The following CFAP46 variants were observed in gnomAD, a reference collection of about 807,000 sequenced individuals.
CFAP46 encodes the protein cilia- and flagella-associated protein 46.
Under a neutral mutation model 325.7 loss-of-function variants are expected in CFAP46, and 245 were observed. The ratio of observed to expected loss-of-function variants is 0.75; its 90% CI spans 0.68 to 0.84. CFAP46 has a LOEUF of 0.84. Among genes scored for constraint, CFAP46 ranks in the 40% least tolerant of loss-of-function variants. The pLI is 0.00. For synonymous variants in CFAP46, 1,523 were observed against 1,495.9 expected (o/e 1.02, Z -0.42); for missense variants, 3,346 against 3,543.0 (o/e 0.94, Z 1.41).
rs529033780 is a variant in CFAP46, at chr10:132,869,099, C to A, written c.4610+175G>T. Among the ~76,000 whole-genome samples, 1 of 152,246 alleles carries A rather than the reference C, an allele frequency of 6.6e-6. No individual in the cohort carries two copies. Among genetic ancestry groups the A allele is most frequent in the Non-Finnish European group, 1.5e-5 (1 of 68,040 alleles). ...TCCCTCTGTGAGGAGCACCTCCCCA[C>A]AACCCACCTCCAGCACGACCCAGGA... On this transcript the variant is annotated intron_variant, in intron 33 of 57. Coordinates refer to ENST00000368586, the MANE Select transcript of CFAP46 (RefSeq NM_001200049.3). This position sits in a 1 kb window ranked among gnomAD's most constrained non-coding sequence, Gnocchi z 6.2.
At position 132,867,508 on chromosome 10, in the gene CFAP46, C is replaced by T; in HGVS notation, c.4611-1G>A. The T allele has an allele frequency of 2.6e-6, 4 of 1,549,548 alleles. No homozygotes were observed. Among genetic ancestry groups the T allele is most frequent in the Non-Finnish European group, 3.5e-6 (4 of 1,146,838 alleles). On this transcript the variant is annotated splice_acceptor_variant, in intron 33 of 57. Coordinates refer to ENST00000368586, the MANE Select transcript of CFAP46 (RefSeq NM_001200049.3). LOFTEE classifies it high-confidence loss of function. ...TTTCAACGCGATCTCTTTTCTGCAGCTAATGCGAGGAAAACAGACAATACG... is the reference window on the plus strand; with the variant it reads ...TTTCAACGCGATCTCTTTTCTGCAGTTAATGCGAGGAAAACAGACAATACG...
intron 47 of CFAP46, 52 bp from the exon 48 acceptor site, chr10:132,834,827 G>T: frequency 6.3e-7 from 1 of 1,577,958 alleles, no homozygotes. Context: ...GCATGGCCCA[G>T]ACCCCGCGAG....
rs1457537526 is a variant in CFAP46, at chr10:132,909,347, C to CA, written c.2650-104dup. On this transcript the variant is annotated intron_variant, in intron 20 of 57. Transcript: ENST00000368586. ...AAGGTATTAGTTTTATGGCAATAAT[C>CA]AGACCACAAAATTGGGAGCGTTTAT... 2.0e-5 allele frequency: 16 copies of CA among 815,616 alleles called. No individual in the cohort carries two copies. In the Admixed American group the frequency reaches 3.0e-4, roughly 15 times the overall value. The allele number at this position is 815,616 out of a possible 1,614,324, so 50.5% of individuals were successfully genotyped here. A position where few individuals can be genotyped will look rare whatever the true frequency, so the allele number is the denominator to read the frequency against.
At chr10:132,926,696 G>C in intron 9 of CFAP46, 30 bp from the exon 10 acceptor site, 1 of 1,466,380 alleles carries the variant, frequency 6.8e-7, no homozygotes. Context: ...TTGAAAAGAT[G>C]GAGATCTGTA....
At chr10:132,875,943 A>C (rs1270464056) in intron 31 of CFAP46, among the ~76,000 whole-genome samples, 6 of 152,236 alleles carry the variant, frequency 3.9e-5, no homozygotes, top group Admixed American at 3.9e-4. Flanking sequence ...GCAAGGCACA[A>C]AGTGGAGGCA....
intron 29 of CFAP46, 89 bp downstream of exon 29, chr10:132,879,337 C>T (rs2135356133): frequency 7.9e-7 from 1 of 1,260,592 alleles, no homozygotes; most frequent in Non-Finnish European, 1.1e-6. Context: ...AAGACTCTGA[C>T]ATCTTTACAA....
At chr10:132,916,146 C>T (rs983049276) in intron 17 of CFAP46, among the ~76,000 whole-genome samples, 1 of 152,188 alleles carries the variant, frequency 6.6e-6, no homozygotes, top group Non-Finnish European at 1.5e-5. Flanking sequence ...GAGAGCACAG[C>T]TTTTCCTCTG....
rs867412962 is a variant in CFAP46 at position 132,879,602 on chromosome 10, G to A, written c.3829C>T (p.Arg1277Trp). The part of the protein sequence containing the change: ...GEYVAVEMPP[R>W]SPVSEAEEAV... ...TCCTCGGCCTCGGACACGGGGCTCC[G>A]TGGGGGCATCTCCACAGCCACGTAC... Residue 1277 changes from arginine (R) to tryptophan (W), a missense_variant, in exon 29 of 58, where the codon CGG (arginine) becomes TGG (tryptophan). Arg to Trp is a moderately radical substitution (Grantham distance 101). Transcript: ENST00000368586. The A allele has an allele frequency of 4.9e-5, 75 of 1,543,410 alleles. No individual in the cohort carries two copies. In the African/African-American group the frequency reaches 5.5e-4, roughly 11 times the overall value.
chr10:132,821,112 ATGTGTGCTGTG>A (rs1381976185), intron 50 of CFAP46, among the ~76,000 whole-genome samples: 2 of 43,554 alleles, frequency 4.6e-5, no homozygotes, highest in Non-Finnish European at 9.9e-5. Context: ...GTGTGTGCTG[ATGTGTGCTGTG>A]TGTGTGCTGA....
At chr10:132,839,116 C>T (rs1472805112) in intron 44 of CFAP46, among the ~76,000 whole-genome samples, 1 of 152,240 alleles carries the variant, frequency 6.6e-6, no homozygotes, top group East Asian at 1.9e-4. Context: ...CATGTGTCGG[C>T]AACCTAGTGT....
chr10:132,936,862 C>A, intron 7 of CFAP46, 99 bp downstream of exon 7: 1 of 591,268 alleles, frequency 1.7e-6, no homozygotes, highest in Non-Finnish European at 2.8e-6. Context: ...GACTCACAGG[C>A]CCCTGGACAC....
In CFAP46 at chr10:132,832,206, C is replaced by G. The variant is rs1848157195; in HGVS notation, c.7117+1152G>C. Reference sequence around the variant, plus strand: ...GTGTTTTCACTATTTTCAGAGCTGTCTGTTTCCCTGGACTCGCACACAGGT... The same window carrying G: ...GTGTTTTCACTATTTTCAGAGCTGTGTGTTTCCCTGGACTCGCACACAGGT... On this transcript the variant is annotated intron_variant, in intron 50 of 57. Coordinates refer to ENST00000368586, the MANE Select transcript of CFAP46 (RefSeq NM_001200049.3). This position sits in a 1 kb window ranked among gnomAD's most constrained non-coding sequence, Gnocchi z 4.1. 6.6e-6 allele frequency among the ~76,000 whole-genome samples: 1 copy of G among 152,070 alleles called. No homozygotes were observed.
At chr10:132,851,366 C>T in intron 39 of CFAP46, 61 bp from the exon 40 acceptor site, 3 of 1,533,024 alleles carry the variant, frequency 2.0e-6, no homozygotes, top group Non-Finnish European at 2.7e-6. Flanking sequence ...AATCTACATC[C>T]CCACAACTTG....
intron 46 of CFAP46, 73 bp downstream of exon 46, chr10:132,836,041 CTCTCACCTCCCCCTCCCGACACAGCCCT>C: frequency 2.7e-6 from 1 of 373,784 alleles, no homozygotes; most frequent in Non-Finnish European, 4.4e-6. Flanking sequence ...TCCCCTCCAC[CTCTCACCTCCCCCTCCCGACACAGCCCT>C]GCTCACCTCC....
At chr10:132,809,902 G>A (rs1340455906) in intron 57 of CFAP46, among the ~76,000 whole-genome samples, 1 of 152,228 alleles carries the variant, frequency 6.6e-6, no homozygotes, top group Non-Finnish European at 1.5e-5. Context: ...GCCAATGGGA[G>A]ACACCCCTCA....
intron 41 of CFAP46, 135 bp downstream of exon 41, chr10:132,850,108 CG>C: frequency 1.2e-6 from 1 of 862,490 alleles, no homozygotes; most frequent in Admixed American, 2.5e-5. Context: ...TCTTCCCTCA[CG>C]CCTACTTCCT....
At chr10:132,859,284 C>A in intron 37 of CFAP46, 37 bp from the exon 38 acceptor site, 2 of 1,525,734 alleles carry the variant, frequency 1.3e-6, no homozygotes, top group Non-Finnish European at 1.8e-6. Context: ...GAGTCAGAAG[C>A]CCCAGGGCCG....
At chr10:132,902,510 A>C (rs1043430634) in intron 22 of CFAP46, among the ~76,000 whole-genome samples, 1 of 152,126 alleles carries the variant, frequency 6.6e-6, no homozygotes, top group Non-Finnish European at 1.5e-5. Context: ...TCCATTCTTT[A>C]TTGAAATTCC....
intron 25 of CFAP46, among the ~76,000 whole-genome samples, chr10:132,887,009 G>A (rs371513533): frequency 1.3e-5 from 2 of 149,946 alleles, no homozygotes; most frequent in African/African-American, 4.9e-5. Flanking sequence ...TCTCTCTCTC[G>A]CCTCTCTCTC....
Sources: allele counts gnomAD v4.1 joint callset (sites outside exome capture counted in the v4.1 genomes callset), GRCh38; gene constraint gnomAD v4.1.1; non-coding constraint Gnocchi (gnomAD v3.1); transcripts MANE v1.5; gene names NCBI Gene and HGNC (gene_info 2026-07-23, HGNC 2026-07-21).